The following PCDHA1 variants were observed in gnomAD, a reference collection of about 807,000 sequenced individuals.
PCDHA1 encodes protocadherin alpha 1.
Under a neutral mutation model 61.3 loss-of-function variants are expected in PCDHA1, and 42 were observed. That is an observed-to-expected ratio of 0.69 (90% CI 0.54 to 0.89). PCDHA1 has a LOEUF of 0.89. Ranked by LOEUF, PCDHA1 falls within the 40% of genes least tolerant of loss-of-function variation. PCDHA1 has a pLI of 0.00. For missense variants in PCDHA1, 1,256 were observed against 1,235.3 expected, an observed-to-expected ratio of 1.02 and a Z score of -0.25; for synonymous variants, 610 against 553.8, an observed-to-expected ratio of 1.10 and a Z score of -1.43.
chr5:140,829,386 C>A, intron 1 of PCDHA1: 1 of 1,614,034 alleles, frequency 6.2e-7, no homozygotes, highest in Non-Finnish European at 8.5e-7. Flanking sequence ...GACGGGGGCT[C>A]GCCTTCGCTG....
chr5:140,989,253 G>C (rs886150768), intron 3 of PCDHA1, among the ~76,000 whole-genome samples: 1 of 152,194 alleles, frequency 6.6e-6, no homozygotes, highest in Non-Finnish European at 1.5e-5. Flanking sequence ...CTTGTCAAAA[G>C]GGAGATTCAA....
At chr5:140,822,399 T>C in intron 1 of PCDHA1, 2 of 1,614,072 alleles carry the variant, frequency 1.2e-6, no homozygotes, top group Non-Finnish European at 1.7e-6. Flanking sequence ...AAGAACACCG[T>C]TTATTAGTGA....
At chr5:140,853,237 A>G (rs2042681652) in intron 1 of PCDHA1, 3 of 980,666 alleles carry the variant, frequency 3.1e-6, no homozygotes, top group African/African-American at 1.8e-5. Flanking sequence ...TTAGTCCTTC[A>G]TATTAATCTC....
chr5:140,952,301 T>G (rs246036), intron 1 of PCDHA1, among the ~76,000 whole-genome samples: 84,430 of 149,404 alleles, frequency 0.57, 24,448 homozygotes, highest in African/African-American at 0.7. Flanking sequence ...CACAGCCATT[T>G]CACTCCAGCC....
intron 1 of PCDHA1, among the ~76,000 whole-genome samples, chr5:140,972,225 G>A (rs959858462): frequency 3.3e-5 from 5 of 151,474 alleles, no homozygotes; most frequent in Admixed American, 2.0e-4. Context: ...CTGCAGCCTC[G>A]ACCTTCTGGG....
intron 1 of PCDHA1, chr5:140,865,952 T>C (rs2049067031): frequency 6.6e-6 from 1 of 152,220 alleles, no homozygotes; most frequent in Non-Finnish European, 1.5e-5. Context: ...GTCTTCATCA[T>C]TAATTTTGTA....
chr5:140,866,152 G>A (rs955753225), intron 1 of PCDHA1: 31 of 152,098 alleles, frequency 2.0e-4, no homozygotes, highest in African/African-American at 7.5e-4. Flanking sequence ...AGTGATATAA[G>A]TAAGAATCGT....
intron 1 of PCDHA1, among the ~76,000 whole-genome samples, chr5:140,920,226 T>C (rs190564528): frequency 6.6e-6 from 1 of 152,042 alleles, no homozygotes; most frequent in East Asian, 1.9e-4. Context: ...ACATTTATAG[T>C]ATTATATACC....
chr5:140,850,927 T>C, intron 1 of PCDHA1: 1 of 1,521,264 alleles, frequency 6.6e-7, no homozygotes, highest in Non-Finnish European at 8.8e-7. Flanking sequence ...TATATAATTT[T>C]TTTTCTTGAA....
intron 1 of PCDHA1, chr5:140,851,357 G>A: frequency 2.1e-6 from 2 of 974,974 alleles, no homozygotes; most frequent in Non-Finnish European, 2.5e-6. Flanking sequence ...GATGGAGACT[G>A]TGAACATCTG....
chr5:140,886,698 C>T (rs578140955), intron 1 of PCDHA1, among the ~76,000 whole-genome samples: 5 of 151,938 alleles, frequency 3.3e-5, no homozygotes, highest in East Asian at 2.0e-4. Flanking sequence ...TGGTGGCACG[C>T]GCCTGTAATC....
At chr5:140,797,516 C>G in intron 1 of PCDHA1, 12 of 845,034 alleles carry the variant, frequency 1.4e-5, no homozygotes, top group Non-Finnish European at 1.8e-5. Context: ...ATTTACTGAA[C>G]AATTTATTTA....
chr5:140,872,471 T>TA (rs1468696649), intron 1 of PCDHA1, among the ~76,000 whole-genome samples: 3 of 152,026 alleles, frequency 2.0e-5, no homozygotes, highest in Non-Finnish European at 4.4e-5. Context: ...TATAAAAAAT[T>TA]AAAAAATTAG....
intron 3 of PCDHA1, among the ~76,000 whole-genome samples, chr5:141,006,816 G>C (rs1554260932): frequency 6.6e-6 from 1 of 152,082 alleles, no homozygotes; most frequent in African/African-American, 2.4e-5. Flanking sequence ...TGAGAAATGG[G>C]GTAAATGGGG....
chr5:140,836,229 G>C, intron 1 of PCDHA1: 1 of 1,613,818 alleles, frequency 6.2e-7, no homozygotes, highest in Non-Finnish European at 8.5e-7. Flanking sequence ...ACCGGTGGCG[G>C]CCGGTGCGAG....
At chr5:140,908,578 G>C (rs2074039304) in intron 1 of PCDHA1, among the ~76,000 whole-genome samples, 1 of 152,196 alleles carries the variant, frequency 6.6e-6, no homozygotes, top group South Asian at 2.1e-4. Flanking sequence ...CAAAAGGAGA[G>C]TAGTTAGCTG....
chr5:141,002,806 G>T (rs1341419225), intron 3 of PCDHA1, among the ~76,000 whole-genome samples: 1 of 152,162 alleles, frequency 6.6e-6, no homozygotes, highest in Non-Finnish European at 1.5e-5. Context: ...GGAAACTGAG[G>T]CTCAGAGATA....
At chr5:140,807,336 A>C (rs1554123887) in intron 1 of PCDHA1, 1 of 1,613,462 alleles carries the variant, frequency 6.2e-7, no homozygotes, top group Non-Finnish European at 8.5e-7. Flanking sequence ...CGCATCGCGC[A>C]GGACCTGGGA....
chr5:140,796,658 T>A (rs143287636), intron 1 of PCDHA1: 1 of 1,613,664 alleles, frequency 6.2e-7, no homozygotes, highest in Non-Finnish European at 8.5e-7. Context: ...GCGCCGGCAC[T>A]GTTGGCGCCT....
Sources: gnomAD v4.1 joint callset for allele counts (sites outside exome capture counted in the v4.1 genomes callset) on GRCh38, gnomAD v4.1.1 for gene constraint, MANE v1.5 for transcripts, NCBI Gene and HGNC (gene_info 2026-07-23, HGNC 2026-07-21) for gene names.